Variants in LINGO2 observed in about 807,000 individuals in gnomAD.
LINGO2 encodes leucine rich repeat and Ig domain containing 2.
Under a neutral mutation model 30.6 loss-of-function variants are expected in LINGO2, and 14 were observed. The ratio of observed to expected loss-of-function variants is 0.46; its 90% CI spans 0.30 to 0.72. The LOEUF is 0.72. Among genes scored for constraint, LINGO2 ranks in the 30% least tolerant of loss-of-function variants. The probability of loss-of-function intolerance (pLI) is 0.07; values close to 1 mark genes in which losing one functional copy is unlikely to be tolerated. For synonymous variants in LINGO2, 317 were observed against 288.5 expected (o/e 1.10, Z -1.00); for missense variants, 729 against 751.7 (o/e 0.97, Z 0.35).
the LINGO2 span, among the ~76,000 whole-genome samples, chr9:28,756,723 A>G: frequency 6.6e-6 from 1 of 151,922 alleles, no homozygotes; most frequent in Admixed American, 6.5e-5. Context: ...TGGTTTTATT[A>G]AGTGTTGTTT....
chr9:28,652,099 T>C (rs1828128798), intron 1 of LINGO2, among the ~76,000 whole-genome samples: 1 of 152,212 alleles, frequency 6.6e-6, no homozygotes, highest in South Asian at 2.1e-4. Context: ...TAATAATTTC[T>C]GCATATGCCT....
At chr9:28,135,299 G>T (rs373655623) in intron 4 of LINGO2, among the ~76,000 whole-genome samples, 2 of 151,546 alleles carry the variant, frequency 1.3e-5, no homozygotes, top group Non-Finnish European at 2.9e-5. Context: ...AAGATGAAAT[G>T]AAAGAAAAAA....
At chr9:28,925,989 T>G in the LINGO2 span, among the ~76,000 whole-genome samples, 1 of 152,166 alleles carries the variant, frequency 6.6e-6, no homozygotes, top group South Asian at 2.1e-4. Context: ...CTCTGCAGTG[T>G]CCAACCTTTG....
At chr9:28,831,019 A>T in the LINGO2 span, among the ~76,000 whole-genome samples, 1 of 152,244 alleles carries the variant, frequency 6.6e-6, no homozygotes, top group Non-Finnish European at 1.5e-5. Flanking sequence ...CAGTAAAGGA[A>T]GTGGAGTTCC....
chr9:28,465,791 T>C (rs941237678), intron 2 of LINGO2, among the ~76,000 whole-genome samples: 2 of 151,984 alleles, frequency 1.3e-5, no homozygotes, highest in Non-Finnish European at 2.9e-5. Flanking sequence ...CAGTCAAAAA[T>C]GGGTTAAAGA....
At chr9:28,106,271 A>G (rs541468360) in intron 4 of LINGO2, among the ~76,000 whole-genome samples, 12 of 152,304 alleles carry the variant, frequency 7.9e-5, no homozygotes, top group African/African-American at 2.6e-4. Context: ...TTGTTATGGC[A>G]GCATGAGCAG....
the LINGO2 span, among the ~76,000 whole-genome samples, chr9:28,793,612 G>A: frequency 6.6e-6 from 1 of 152,176 alleles, no homozygotes; most frequent in Admixed American, 6.5e-5. Context: ...AAAACCTTCA[G>A]AAGCAAACAA....
At chr9:28,057,585 GTATATACATATA>G (rs1824992904) in intron 4 of LINGO2, among the ~76,000 whole-genome samples, 3 of 21,230 alleles carry the variant, frequency 1.4e-4, no homozygotes, top group Non-Finnish European at 3.9e-4. Flanking sequence ...ACACATATAT[GTATATACATATA>G]TATACACATA....
chr9:28,426,213 GA>G (rs1423292471), intron 2 of LINGO2, among the ~76,000 whole-genome samples: 2 of 151,842 alleles, frequency 1.3e-5, no homozygotes, highest in Admixed American at 6.6e-5. Flanking sequence ...CACTTTTGGG[GA>G]AAAATGATAA....
the LINGO2 span, among the ~76,000 whole-genome samples, chr9:28,809,745 C>CAA: frequency 8.0e-3 from 768 of 96,004 alleles, 13 homozygotes; most frequent in African/African-American, 0.018. Context: ...GACTCTGTCT[C>CAA]AAAAAAAAAA....
chr9:29,085,751 T>TTA, the LINGO2 span, among the ~76,000 whole-genome samples: 1 of 152,144 alleles, frequency 6.6e-6, no homozygotes, highest in Non-Finnish European at 1.5e-5. Flanking sequence ...CCATTTAAGT[T>TTA]TATGAGACAA....
At chr9:28,091,972 A>C (rs1056285737) in intron 4 of LINGO2, among the ~76,000 whole-genome samples, 1 of 152,216 alleles carries the variant, frequency 6.6e-6, no homozygotes, top group African/African-American at 2.4e-5. Context: ...CCATCAGAGA[A>C]ATGCAAATCA....
chr9:28,673,756 A>C (rs1032193173), upstream of LINGO2, among the ~76,000 whole-genome samples: 35 of 152,152 alleles, frequency 2.3e-4, no homozygotes, highest in Admixed American at 2.0e-3. Flanking sequence ...GTTTCATAAG[A>C]ATTGGTAGAT....
intron 4 of LINGO2, among the ~76,000 whole-genome samples, chr9:28,096,107 C>G (rs1426754139): frequency 6.6e-6 from 1 of 152,120 alleles, no homozygotes; most frequent in Non-Finnish European, 1.5e-5. Context: ...CATGGCTGCA[C>G]TCCAGCCTGA....
chr9:28,539,915 A>C (rs921421097), intron 1 of LINGO2, among the ~76,000 whole-genome samples: 1 of 152,020 alleles, frequency 6.6e-6, no homozygotes, highest in African/African-American at 2.4e-5. Flanking sequence ...CTGGTAAACA[A>C]TATGAGATCC....
At chr9:28,784,946 CAAA>C in the LINGO2 span, among the ~76,000 whole-genome samples, 2 of 89,804 alleles carry the variant, frequency 2.2e-5, no homozygotes. Flanking sequence ...GACTCTGTCT[CAAA>C]AAAAAAAAAA....
Position 28,148,086 on chromosome 9 carries a change from GC to G in LINGO2, c.-86-135682del, listed in dbSNP as rs1827867356. On this transcript the variant is annotated intron_variant, in intron 4 of 5. Transcript: ENST00000379992. This position sits in a 1 kb window ranked among gnomAD's most constrained non-coding sequence, Gnocchi z 5.1. ...CTTGTCCATGAGGCCTTCCCAGCTG[GC>G]CGGGCTAACCCCGCGGCTCCTGCAC... 7 of 1,103,224 alleles carry G rather than the reference GC, an allele frequency of 6.3e-6. No individual in the cohort carries two copies. The highest frequency in any genetic ancestry group is 6.8e-6 in the Non-Finnish European group (6 of 881,606). 68.3% of individuals were successfully genotyped at this position (1,103,224 alleles called of 1,614,324 possible).
At chr9:28,031,308 T>C (rs1823656827) in intron 4 of LINGO2, among the ~76,000 whole-genome samples, 1 of 151,846 alleles carries the variant, frequency 6.6e-6, no homozygotes, top group African/African-American at 2.4e-5. Flanking sequence ...GTTTTGCATA[T>C]ATTAAGCAGT....
chr9:28,785,749 A>G, the LINGO2 span, among the ~76,000 whole-genome samples: 1 of 152,050 alleles, frequency 6.6e-6, no homozygotes, highest in Non-Finnish European at 1.5e-5. Context: ...TCCTGGAAGA[A>G]GAAAAATCAG....
Sources: gnomAD v4.1 joint callset for allele counts (sites outside exome capture counted in the v4.1 genomes callset) on GRCh38, gnomAD v4.1.1 for gene constraint, Gnocchi (gnomAD v3.1) non-coding constraint, MANE v1.5 for transcripts, NCBI Gene and HGNC (gene_info 2026-07-23, HGNC 2026-07-21) for gene names.